DNAH12: variants seen among roughly 807,000 people sequenced by gnomAD.
DNAH12 encodes axonemal beta dynein heavy chain 12.
In DNAH12, 285 loss-of-function variants were observed where a neutral mutation model predicts 371.5. The observed-to-expected ratio is 0.77, with a 90% CI of 0.70 to 0.85. The LOEUF (loss-of-function observed/expected upper bound fraction) is 0.85, where lower values mean the gene tolerates loss of function less well. Ranked by LOEUF, DNAH12 falls within the 40% of genes least tolerant of loss-of-function variation. DNAH12 has a pLI of 0.00. For missense variants in DNAH12, 3,611 were observed against 3,689.4 expected, an observed-to-expected ratio of 0.98 and a Z score of 0.55; for synonymous variants, 1,200 against 1,213.0, an observed-to-expected ratio of 0.99 and a Z score of 0.22.
At chr3:57,366,410 T>C (rs1396917822) in intron 57 of DNAH12, among the ~76,000 whole-genome samples, 6 of 152,192 alleles carry the variant, frequency 3.9e-5, no homozygotes, top group African/African-American at 1.4e-4. Context: ...ATAAACTTGC[T>C]TTCATTATAC....
At position 57,525,085 on chromosome 3, in the gene DNAH12, C is replaced by T. The variant is rs563445459; in HGVS notation, c.171-1201G>A. ...AGAAAAAATTGTAGGGTGTCAAGTA[C>T]GACAGGAATGACGAAAAACAACAAT... On this transcript the variant is annotated intron_variant, in intron 2 of 73. Transcript: ENST00000495027. Among the ~76,000 whole-genome samples the T allele has an allele frequency of 2.6e-4, 37 of 142,782 alleles. No homozygotes were observed. In the South Asian group the frequency reaches 7.4e-3, roughly 29 times the overall value. The allele number at this position is 142,782 out of a possible 152,430, so 93.7% of individuals were successfully genotyped here. A position where few individuals can be genotyped will look rare whatever the true frequency, so the allele number is the denominator to read the frequency against.
At chr3:57,544,557 G>T (rs990058533), upstream of DNAH12, among the ~76,000 whole-genome samples, 3 of 152,170 alleles carry the variant, frequency 2.0e-5, no homozygotes, top group African/African-American at 7.2e-5. Flanking sequence ...AGGGGACCAG[G>T]AAATTAGAAT....
At chr3:57,393,393 C>T (rs1168651268) in intron 44 of DNAH12, among the ~76,000 whole-genome samples, 4 of 151,772 alleles carry the variant, frequency 2.6e-5, no homozygotes, top group African/African-American at 7.3e-5. Context: ...TTTGGGGGGC[C>T]GAGGCAGGCG....
At chr3:57,518,395 A>C (rs1234670539) in intron 4 of DNAH12, among the ~76,000 whole-genome samples, 1 of 151,968 alleles carries the variant, frequency 6.6e-6, no homozygotes, top group Non-Finnish European at 1.5e-5. Context: ...GCATGGTGGC[A>C]TGTGCCTGTA....
intron 65 of DNAH12, among the ~76,000 whole-genome samples, chr3:57,320,051 T>C (rs1275440355): frequency 6.6e-6 from 1 of 152,152 alleles, no homozygotes; most frequent in Non-Finnish European, 1.5e-5. Context: ...CACTTGGCCA[T>C]GGTGTATATA....
intron 41 of DNAH12, among the ~76,000 whole-genome samples, chr3:57,405,369 T>C (rs1407077829): frequency 1.3e-5 from 2 of 152,186 alleles, no homozygotes; most frequent in Non-Finnish European, 2.9e-5. Context: ...GAGAAGTCAT[T>C]CTGGGCGACT....
At chr3:57,322,201 A>G (rs2061822552) in intron 65 of DNAH12, 142 bp downstream of exon 65, 2 of 882,098 alleles carry the variant, frequency 2.3e-6, no homozygotes, top group South Asian at 2.4e-5. Flanking sequence ...AGATAAGTAC[A>G]ATTTTTGTCT....
At chr3:57,467,839 C>T (rs1346518407) in intron 17 of DNAH12, among the ~76,000 whole-genome samples, 3 of 152,100 alleles carry the variant, frequency 2.0e-5, no homozygotes, top group Non-Finnish European at 4.4e-5. Flanking sequence ...ACCTAACCAG[C>T]CTTTCCTACA....
chr3:57,496,960 ACT>A (rs978013396), intron 11 of DNAH12, among the ~76,000 whole-genome samples: 1 of 151,602 alleles, frequency 6.6e-6, no homozygotes, highest in Non-Finnish European at 1.5e-5. Context: ...CAAGAGTGAA[ACT>A]CTGTCTCAAA....
At position 57,302,529 on chromosome 3, in the gene DNAH12, G is replaced by GTTTATATATATATATATATATATA. The variant is rs879293648; in HGVS notation, c.11190-591_11190-590insTATATATATATATATATATATAAA. 5.4e-4 allele frequency among the ~76,000 whole-genome samples: 26 copies of GTTTATATATATATATATATATATA among 47,852 alleles called. 3 individuals are homozygous for GTTTATATATATATATATATATATA. The highest frequency in any genetic ancestry group is 5.8e-4 in the Non-Finnish European group (17 of 29,332). The allele number at this position is 47,852 out of a possible 152,430, so 31.4% of individuals were successfully genotyped here. A position where few individuals can be genotyped will look rare whatever the true frequency, so the allele number is the denominator to read the frequency against. On this transcript the variant is annotated intron_variant, in intron 69 of 73. Transcript: ENST00000495027. ...TGCTGAATTAACTAAGGCATCAGGT[G>GTTTATATATATATATATATATATA]TATATATATATATATATATATATAT...
intron 43 of DNAH12, among the ~76,000 whole-genome samples, chr3:57,402,220 A>AC (rs2063893085): frequency 6.6e-6 from 1 of 152,212 alleles, no homozygotes; most frequent in Non-Finnish European, 1.5e-5. Flanking sequence ...GAAGTAGCAA[A>AC]GAAAAATCCA....
chr3:57,402,564 T>TC (rs1341062439), intron 43 of DNAH12: 17 of 674,444 alleles, frequency 2.5e-5, no homozygotes, highest in African/African-American at 3.8e-5. Flanking sequence ...AAATATATAG[T>TC]CAGTGGCACA....
rs1559727625 is a variant in DNAH12, at chr3:57,502,304, T to C, written c.1243+19A>G. 1.9e-6 allele frequency: 3 copies of C among 1,612,964 alleles called. No homozygotes were observed. Among genetic ancestry groups the C allele is most frequent in the South Asian group, 1.1e-5 (1 of 90,914 alleles). On this transcript the variant is annotated intron_variant, in intron 10 of 73. Coordinates refer to ENST00000495027, the MANE Select transcript of DNAH12 (RefSeq NM_001366028.2). ...TAAAGTGATGACAAATGGTATAATA[T>C]TATGTATGTCATACACACCATATGT...
chr3:57,421,291 TAATAA>T (rs1232662714), intron 36 of DNAH12, among the ~76,000 whole-genome samples: 1 of 152,148 alleles, frequency 6.6e-6, no homozygotes, highest in East Asian at 1.9e-4. Context: ...GGGAATTATT[TAATAA>T]AATGGAAAAA....
intron 50 of DNAH12, among the ~76,000 whole-genome samples, chr3:57,381,875 A>ATTT (rs1324978712): frequency 1.3e-5 from 2 of 148,566 alleles, no homozygotes; most frequent in African/African-American, 5.0e-5. Flanking sequence ...ATATATATAT[A>ATTT]TTTTTTTTTT....
chr3:57,357,733 TTTATC>T (rs2062832752), intron 58 of DNAH12, among the ~76,000 whole-genome samples: 1 of 152,190 alleles, frequency 6.6e-6, no homozygotes, highest in East Asian at 1.9e-4. Context: ...TTCACCTTCT[TTTATC>T]TTAACAGGTC....
At chr3:57,456,443 G>T (rs2065904281) in intron 22 of DNAH12, among the ~76,000 whole-genome samples, 1 of 152,178 alleles carries the variant, frequency 6.6e-6, no homozygotes, top group African/African-American at 2.4e-5. Context: ...CCTAAAGGCA[G>T]AAATATACGT....
At chr3:57,307,727 A>G (rs779234125) in intron 69 of DNAH12, among the ~76,000 whole-genome samples, 36 of 152,038 alleles carry the variant, frequency 2.4e-4, no homozygotes, top group Non-Finnish European at 5.3e-4. Flanking sequence ...AGGGACTACA[A>G]TCTGGCCTCC....
intron 60 of DNAH12, 71 bp from the exon 61 acceptor site, chr3:57,335,011 T>G: frequency 6.8e-7 from 1 of 1,469,448 alleles, no homozygotes; most frequent in Non-Finnish European, 9.1e-7. Flanking sequence ...CTTCCGCTTT[T>G]GTAACCTGGA....
Sources: allele counts gnomAD v4.1 joint callset (sites outside exome capture counted in the v4.1 genomes callset), GRCh38; gene constraint gnomAD v4.1.1; transcripts MANE v1.5; gene names NCBI Gene and HGNC (gene_info 2026-07-23, HGNC 2026-07-21).